SEMA3D: variants seen among roughly 807,000 people sequenced by gnomAD.
SEMA3D encodes semaphorin-3D.
Under a neutral mutation model 100.1 loss-of-function variants are expected in SEMA3D, and 84 were observed. That is an observed-to-expected ratio of 0.84 (90% CI 0.70 to 1.01). The LOEUF is 1.01. Among genes scored for constraint, SEMA3D ranks in the 50% least tolerant of loss-of-function variants. SEMA3D has a pLI of 0.00. For synonymous variants in SEMA3D, 312 were observed against 320.7 expected (o/e 0.97, Z 0.29); for missense variants, 875 against 934.1 (o/e 0.94, Z 0.82).
At chr7:85,165,354 T>G (rs550145702) in intron 1 of SEMA3D, among the ~76,000 whole-genome samples, 1 of 152,068 alleles carries the variant, frequency 6.6e-6, no homozygotes, top group South Asian at 2.1e-4. Flanking sequence ...GAGAAATCAT[T>G]TAAACGAGAG....
In SEMA3D at chr7:85,022,484, T is replaced by C. The variant is rs898221196; in HGVS notation, c.1321A>G (p.Lys441Glu). The stretch of plus-strand genomic sequence containing the variant: ...AGTCTGTAATCCACATTGATTCTCT[T>C]GAACGTTGGTCCTCCTGCAACTGGG... The part of the protein sequence containing the change: ...VYPVAGGPTF[K>E]RINVDYRLTQ... The change falls in exon 13 of 19, where the codon AAG becomes GAG. Residue 441 changes from lysine to glutamate, a missense_variant. Lys to Glu is a moderately conservative substitution (Grantham distance 56). Coordinates refer to ENST00000284136, the MANE Select transcript of SEMA3D (RefSeq NM_001384900.1). 23 of 1,612,622 alleles carry C rather than the reference T, an allele frequency of 1.4e-5. No individual in the cohort carries two copies. Among genetic ancestry groups the C allele is most frequent in the Non-Finnish European group, 1.9e-5 (22 of 1,178,982 alleles).
intron 17 of SEMA3D, among the ~76,000 whole-genome samples, chr7:85,010,933 G>T (rs754423960): frequency 6.6e-5 from 10 of 151,762 alleles, no homozygotes; most frequent in South Asian, 2.1e-4. Context: ...TAAAAGGTGA[G>T]ATGAAAAGGA....
chr7:85,028,558 T>G, intron 12 of SEMA3D: 1 of 306,028 alleles, frequency 3.3e-6, no homozygotes, highest in Non-Finnish European at 6.2e-6. Flanking sequence ...ACCATTTTAC[T>G]GGTGAGTTAT....
intron 5 of SEMA3D, among the ~76,000 whole-genome samples, chr7:85,075,395 C>T (rs1017451442): frequency 6.7e-6 from 1 of 150,258 alleles, no homozygotes; most frequent in Non-Finnish European, 1.5e-5. Context: ...ACATTTTATA[C>T]ACAATGGGGA....
chr7:85,019,565 A>G (rs1432765068), intron 14 of SEMA3D, among the ~76,000 whole-genome samples: 1 of 151,802 alleles, frequency 6.6e-6, no homozygotes, highest in Non-Finnish European at 1.5e-5. Flanking sequence ...AAAATGTTAT[A>G]ATAAACAAAG....
chr7:85,100,312 CTT>C (rs61378869), intron 3 of SEMA3D, among the ~76,000 whole-genome samples: 5 of 142,536 alleles, frequency 3.5e-5, no homozygotes, highest in Non-Finnish European at 4.6e-5. Context: ...GTTGATTTTT[CTT>C]TTTTTTTTTT....
intron 12 of SEMA3D, among the ~76,000 whole-genome samples, chr7:85,024,297 A>T (rs1269083428): frequency 6.6e-6 from 1 of 151,946 alleles, no homozygotes; most frequent in Non-Finnish European, 1.5e-5. Context: ...AATCAAACCC[A>T]GAGCAAGATT....
At chr7:85,101,997 TTAAG>T (rs764594358) in intron 3 of SEMA3D, among the ~76,000 whole-genome samples, 48 of 152,046 alleles carry the variant, frequency 3.2e-4, no homozygotes, top group Non-Finnish European at 6.0e-4. Flanking sequence ...TTAGTGTGTA[TTAAG>T]TGTTGAGTAT....
chr7:85,047,628 T>C (rs79411781), intron 9 of SEMA3D, among the ~76,000 whole-genome samples: 4,031 of 151,952 alleles, frequency 0.027, 178 homozygotes, highest in African/African-American at 0.09. Flanking sequence ...ATCCTGAAGA[T>C]TTTGTAAAAT....
intron 8 of SEMA3D, among the ~76,000 whole-genome samples, chr7:85,064,980 T>C (rs950110304): frequency 1.3e-5 from 2 of 152,248 alleles, no homozygotes; most frequent in African/African-American, 4.8e-5. Context: ...CCCGAGTTCA[T>C]TGGGCTAACA....
Position 85,065,460 on chromosome 7 carries a change from T to A in SEMA3D, c.682A>T (p.Ile228Phe). 6.2e-7 allele frequency: 1 copy of A among 1,613,320 alleles called. No individual in the cohort carries two copies. Among genetic ancestry groups the A allele is most frequent in the Non-Finnish European group, 8.5e-7 (1 of 1,179,518 alleles). ...TAGTGCTCTGAAATGTCAGTTCTGA[T>A]GTAGTGGTGGTCATGAGTAGGCCCA... ...SLGPTHDHHY[I>F]RTDISEHYWL... Residue 228 changes from isoleucine to phenylalanine, a missense_variant, in exon 8 of 19, where the codon ATC becomes TTC. Coordinates refer to ENST00000284136, the MANE Select transcript of SEMA3D (RefSeq NM_001384900.1).
intron 5 of SEMA3D, among the ~76,000 whole-genome samples, chr7:85,079,552 C>T (rs1164490593): frequency 6.6e-6 from 1 of 152,138 alleles, no homozygotes; most frequent in African/African-American, 2.4e-5. Flanking sequence ...AAAAGTTTAT[C>T]ACCATTTGCT....
At chr7:85,017,735 C>G (rs1790144196) in intron 15 of SEMA3D, among the ~76,000 whole-genome samples, 1 of 151,800 alleles carries the variant, frequency 6.6e-6, no homozygotes, top group Non-Finnish European at 1.5e-5. Flanking sequence ...TATGTGCCTG[C>G]TCTCTGTTTA....
chr7:85,225,585 C>T, the SEMA3D span, among the ~76,000 whole-genome samples: 1 of 152,122 alleles, frequency 6.6e-6, no homozygotes, highest in Non-Finnish European at 1.5e-5. Flanking sequence ...AGATAACTAT[C>T]AGCAATTTTG....
intron 9 of SEMA3D, among the ~76,000 whole-genome samples, chr7:85,049,567 G>A (rs1463554316): frequency 2.0e-5 from 3 of 151,414 alleles, no homozygotes; most frequent in Non-Finnish European, 2.9e-5. Context: ...TCTCAGACAG[G>A]AAAACAGATG....
At chr7:85,217,908 T>C in the SEMA3D span, among the ~76,000 whole-genome samples, 2 of 152,268 alleles carry the variant, frequency 1.3e-5, no homozygotes, top group East Asian at 3.9e-4. Context: ...CAATCTCAAG[T>C]ACTCTCTGGT....
At chr7:85,218,977 C>T in the SEMA3D span, among the ~76,000 whole-genome samples, 1 of 152,096 alleles carries the variant, frequency 6.6e-6, no homozygotes, top group African/African-American at 2.4e-5. Flanking sequence ...AGTAGAAGAT[C>T]AAGCTTCTAG....
chr7:85,181,044 T>C (rs759557610), intron 1 of SEMA3D, among the ~76,000 whole-genome samples: 3 of 152,154 alleles, frequency 2.0e-5, no homozygotes, highest in Non-Finnish European at 4.4e-5. Flanking sequence ...ATCACAGAGG[T>C]AAATTGTCAT....
the SEMA3D span, among the ~76,000 whole-genome samples, chr7:85,229,583 G>C: frequency 6.6e-6 from 1 of 151,978 alleles, no homozygotes; most frequent in Non-Finnish European, 1.5e-5. Context: ...TTTAATATGA[G>C]TGTAACTTTA....
Sources: allele counts gnomAD v4.1 joint callset (sites outside exome capture counted in the v4.1 genomes callset), GRCh38; gene constraint gnomAD v4.1.1; transcripts MANE v1.5; gene names NCBI Gene and HGNC (gene_info 2026-07-23, HGNC 2026-07-21).